The following RUNX1 variants were observed in gnomAD, a reference collection of about 807,000 sequenced individuals.
RUNX1 encodes runt-related transcription factor 1.
Under a neutral mutation model 42.8 loss-of-function variants are expected in RUNX1, and 19 were observed. The ratio of observed to expected loss-of-function variants is 0.44; its 90% CI spans 0.31 to 0.65. RUNX1 has a LOEUF of 0.65. Ranked by LOEUF, RUNX1 falls within the 30% of genes least tolerant of loss-of-function variation. RUNX1 has a pLI of 0.07. For missense variants in RUNX1, 528 were observed against 672.0 expected (o/e 0.79, Z 2.37); for synonymous variants, 271 against 289.4 (o/e 0.94, Z 0.64).
intron 2 of RUNX1, among the ~76,000 whole-genome samples, chr21:34,909,588 C>CACAAAAAAAAAAAA: frequency 1.3e-5 from 1 of 75,028 alleles, no homozygotes; most frequent in Non-Finnish European, 2.5e-5. Flanking sequence ...CACTGTTCCT[C>CACAAAAAAAAAAAA]AAAAAAAAAA....
intron 2 of RUNX1, among the ~76,000 whole-genome samples, chr21:34,964,498 AAAAAAG>A (rs1482074348): frequency 2.0e-5 from 3 of 151,988 alleles, no homozygotes; most frequent in Admixed American, 6.6e-5. Flanking sequence ...AAAAAAAAAA[AAAAAAG>A]AAAAGAAAAG....
At chr21:34,915,561 G>C (rs935696266) in intron 2 of RUNX1, among the ~76,000 whole-genome samples, 1 of 152,184 alleles carries the variant, frequency 6.6e-6, no homozygotes, top group Non-Finnish European at 1.5e-5. Flanking sequence ...AAGGGGAAAA[G>C]CATTTTAAAA....
At chr21:34,854,954 A>T (rs2057475683) in intron 6 of RUNX1, among the ~76,000 whole-genome samples, 1 of 152,152 alleles carries the variant, frequency 6.6e-6, no homozygotes. Flanking sequence ...AATAGAAATA[A>T]CTATATTTAA....
chr21:34,936,369 A>T (rs1256988693), intron 2 of RUNX1, among the ~76,000 whole-genome samples: 1 of 152,200 alleles, frequency 6.6e-6, no homozygotes, highest in Non-Finnish European at 1.5e-5. Flanking sequence ...AAAGAATAAA[A>T]CATAATTAAC....
chr21:35,031,329 C>A (rs1419979038), intron 2 of RUNX1, among the ~76,000 whole-genome samples: 1 of 152,036 alleles, frequency 6.6e-6, no homozygotes, highest in Non-Finnish European at 1.5e-5. Flanking sequence ...GCCTGGGCAA[C>A]AAGAACGAAA....
intron 2 of RUNX1, among the ~76,000 whole-genome samples, chr21:34,950,875 C>T (rs542014873): frequency 5.3e-5 from 8 of 152,154 alleles, no homozygotes; most frequent in African/African-American, 1.9e-4. Flanking sequence ...TAACTTCCAG[C>T]GTGGTTTAGG....
intron 2 of RUNX1, among the ~76,000 whole-genome samples, chr21:34,934,203 T>C (rs1461155152): frequency 6.6e-6 from 1 of 152,208 alleles, no homozygotes; most frequent in Non-Finnish European, 1.5e-5. Context: ...TTTTACTTCC[T>C]TGGGACTGTA....
chr21:34,808,785 C>T (rs2056719004), intron 7 of RUNX1, among the ~76,000 whole-genome samples: 2 of 152,158 alleles, frequency 1.3e-5, no homozygotes, highest in South Asian at 2.1e-4. Flanking sequence ...GTCTGAGACA[C>T]GTCTGGGAAA....
intron 1 of RUNX1, 101 bp downstream of exon 1, chr21:35,049,067 A>G (rs1022987210): frequency 3.1e-6 from 2 of 643,866 alleles, no homozygotes; most frequent in Admixed American, 2.5e-5. Flanking sequence ...CCCAAGCCCT[A>G]TTAAAAAATG....
intron 6 of RUNX1, among the ~76,000 whole-genome samples, chr21:34,844,086 C>T (rs1020482264): frequency 6.6e-6 from 1 of 152,180 alleles, no homozygotes; most frequent in African/African-American, 2.4e-5. Flanking sequence ...CTCAAGGAAA[C>T]CCCCAGTTAC....
chr21:34,859,618 G>C (rs752279339), intron 5 of RUNX1, 40 bp from the exon 6 acceptor site: 1 of 1,478,768 alleles, frequency 6.8e-7, no homozygotes, highest in Admixed American at 1.7e-5. Context: ...AATGAGGTTG[G>C]TGGCCTGAAC....
chr21:34,919,758 T>C (rs2058340333), intron 2 of RUNX1, among the ~76,000 whole-genome samples: 2 of 152,224 alleles, frequency 1.3e-5, no homozygotes, highest in African/African-American at 4.8e-5. Flanking sequence ...TTGAGTATTA[T>C]TAGATTTAGG....
At chr21:35,003,094 C>A (rs1010757468) in intron 2 of RUNX1, among the ~76,000 whole-genome samples, 1 of 152,186 alleles carries the variant, frequency 6.6e-6, no homozygotes, top group Non-Finnish European at 1.5e-5. Flanking sequence ...AAAGCAAATT[C>A]ATTTTGGGCT....
intron 6 of RUNX1, among the ~76,000 whole-genome samples, chr21:34,852,545 G>T (rs2057436837): frequency 6.6e-6 from 1 of 152,226 alleles, no homozygotes; most frequent in Non-Finnish European, 1.5e-5. Flanking sequence ...CCTTTGCCAA[G>T]TCATCAGGTA....
intron 2 of RUNX1, among the ~76,000 whole-genome samples, chr21:35,014,346 C>G (rs1158441414): frequency 1.3e-5 from 2 of 152,136 alleles, no homozygotes; most frequent in Non-Finnish European, 2.9e-5. Context: ...AACATCCTGC[C>G]TAGGTGTATA....
At chr21:34,932,386 A>T (rs1209986582) in intron 2 of RUNX1, among the ~76,000 whole-genome samples, 3 of 152,190 alleles carry the variant, frequency 2.0e-5, no homozygotes, top group Admixed American at 6.5e-5. Context: ...AGATGTCCCC[A>T]GTTCAGACAT....
At chr21:34,910,467 T>C (rs1032945571) in intron 2 of RUNX1, among the ~76,000 whole-genome samples, 1 of 151,966 alleles carries the variant, frequency 6.6e-6, no homozygotes, top group African/African-American at 2.4e-5. Flanking sequence ...TCAAGAACTG[T>C]ATAATGAAAG....
chr21:34,936,959 T>A (rs1444049549), intron 2 of RUNX1, among the ~76,000 whole-genome samples: 1 of 152,184 alleles, frequency 6.6e-6, no homozygotes. Flanking sequence ...TTTGGCTTTT[T>A]AAAAAGTATT....
chr21:35,042,033 C>T (rs917502763), intron 2 of RUNX1, among the ~76,000 whole-genome samples: 2 of 152,154 alleles, frequency 1.3e-5, no homozygotes, highest in Non-Finnish European at 2.9e-5. Context: ...CTGCGAGAAA[C>T]CGATCAACCT....
Sources: allele counts gnomAD v4.1 joint callset (sites outside exome capture counted in the v4.1 genomes callset), GRCh38; gene constraint gnomAD v4.1.1; transcripts MANE v1.5; gene names NCBI Gene and HGNC (gene_info 2026-07-23, HGNC 2026-07-21).